The following SERPINF1 variants were observed in gnomAD, a reference collection of about 807,000 sequenced individuals.
SERPINF1 encodes serpin family F member 1.
A neutral mutation model predicts 37.3 loss-of-function variants in SERPINF1; 29 were observed. The observed-to-expected ratio is 0.78, with a 90% CI of 0.58 to 1.06. The LOEUF (loss-of-function observed/expected upper bound fraction) is 1.06. Among genes scored for constraint, SERPINF1 ranks in the 50% least tolerant of loss-of-function variants. The pLI is 0.00. For missense variants in SERPINF1, 553 were observed against 532.2 expected, an observed-to-expected ratio of 1.04 and a Z score of -0.38; for synonymous variants, 281 against 227.9, an observed-to-expected ratio of 1.23 and a Z score of -2.10.
chr17:1,772,156 G>A (rs1051256416), intron 5 of SERPINF1, 81 bp downstream of exon 5: 8 of 1,454,468 alleles, frequency 5.5e-6, no homozygotes, highest in Non-Finnish European at 7.5e-6. Flanking sequence ...TTACTCTGTA[G>A]TCCTAACTGG....
chr17:1,770,426 C>A, intron 3 of SERPINF1: 2 of 343,164 alleles, frequency 5.8e-6, no homozygotes, highest in Middle Eastern at 9.7e-4. Context: ...CACAGGGGAA[C>A]TAATACCAGC....
rs753734301 is a variant in SERPINF1 at position 1,769,909 on chromosome 17, A to C, written c.142A>C (p.Lys48Gln). 2.5e-6 allele frequency: 4 copies of C among 1,614,156 alleles called. No homozygotes were observed. The South Asian group carries it at 4.4e-5, about 18-fold the overall frequency. The change falls in exon 3 of 8, where the codon AAA (lysine) becomes CAA (glutamine). Residue 48 changes from lysine (K) to glutamine (Q), a missense_variant. Physicochemically the swap from Lys to Gln is moderately conservative, Grantham distance 53. Transcript: ENST00000254722. ...ALVEEEDPFF[K>Q]VPVNKLAAAV... is the part of the protein sequence containing the mutation. Reference sequence around the variant, plus strand: ...GGTGGAGGAGGAGGATCCTTTCTTCAAAGTCCCCGTGAACAAGCTGGCAGC... The same window carrying C: ...GGTGGAGGAGGAGGATCCTTTCTTCCAAGTCCCCGTGAACAAGCTGGCAGC...
At chr17:1,770,693 C>T (rs1030160811) in intron 3 of SERPINF1, 20 of 344,162 alleles carry the variant, frequency 5.8e-5, no homozygotes, top group African/African-American at 3.6e-4. Flanking sequence ...CTCCCGGGCT[C>T]AAGCGATCCA....
chr17:1,771,175 T>G lies in SERPINF1; in HGVS notation c.430T>G (p.Phe144Val). ...CCTCAAGAGTGCCTCCCGGATCGTC[T>G]TTGAGAAGAGTGAGTCGCCTTTGCA... ...KNLKSASRIV[F>V]EKKLRIKSSF... The change falls in exon 4 of 8, where the codon TTT becomes GTT. Residue 144 changes from phenylalanine to valine, a missense_variant. Transcript: ENST00000254722. 1 of 1,613,730 alleles carries G rather than the reference T, an allele frequency of 6.2e-7. No individual in the cohort carries two copies.
rs1056108250 is a variant in SERPINF1 at position 1,769,716 on chromosome 17, G to A, written c.85-136G>A. 4 of 935,300 alleles carry A rather than the reference G, an allele frequency of 4.3e-6. No homozygotes were observed. In the Admixed American group the frequency reaches 5.3e-5, roughly 12 times the overall value. The allele number at this position is 935,300 out of a possible 1,614,324, so 57.9% of individuals were successfully genotyped here. A position where few individuals can be genotyped will look rare whatever the true frequency, so the allele number is the denominator to read the frequency against. On this transcript the variant is annotated intron_variant, in intron 2 of 7. Coordinates refer to ENST00000254722, the MANE Select transcript of SERPINF1 (RefSeq NM_002615.7). ...GGAGTAAAACTCATTCCCGTTTTAG[G>A]CCAAACACAGAAAAATTAGGAAGGA...
intron 2 of SERPINF1, among the ~76,000 whole-genome samples, chr17:1,768,652 T>G (rs977913406): frequency 1.3e-5 from 2 of 151,376 alleles, no homozygotes; most frequent in South Asian, 2.1e-4. Flanking sequence ...TTTTTGGGTA[T>G]TTTTAGTAGA....
In SERPINF1 at chr17:1,777,263, C is replaced by T. The variant is rs139643371; in HGVS notation, c.1074C>T (p.His358=). The T allele has an allele frequency of 3.1e-6, 5 of 1,614,030 alleles. No individual in the cohort carries two copies. The highest frequency in any genetic ancestry group is 1.3e-5 in the African/African-American group (1 of 74,902). The change falls in exon 8 of 8, where the codon CAC becomes CAT. Residue 358 remains histidine, a synonymous_variant. Coordinates refer to ENST00000254722, the MANE Select transcript of SERPINF1 (RefSeq NM_002615.7). The part of the protein sequence containing the change: ...GKPIKLTQVE[H]RAGFEWNEDG... Reference sequence around the variant, plus strand: ...CCATCAAGCTGACTCAGGTGGAACACCGGGCTGGCTTTGAGTGGAACGAGG... The same window carrying T: ...CCATCAAGCTGACTCAGGTGGAACATCGGGCTGGCTTTGAGTGGAACGAGG...
chr17:1,777,436 G>C lies in SERPINF1; in HGVS notation c.1247G>C (p.Arg416Thr), dbSNP rs1441061271. 6.2e-7 allele frequency: 1 copy of C among 1,614,026 alleles called. No homozygotes were observed. Among genetic ancestry groups the C allele is most frequent in the Non-Finnish European group, 8.5e-7 (1 of 1,180,038 alleles). Residue 416 changes from arginine to threonine, a missense_variant, in exon 8 of 8, where the codon AGG (arginine) becomes ACG (threonine). Physicochemically the swap from Arg to Thr is moderately conservative, Grantham distance 71. Transcript: ENST00000254722. The part of the protein sequence containing the change: ...LLFIGKILDP[R>T]GP ...TTCATTGGCAAGATTCTGGACCCCA[G>C]GGGCCCCTAATATCCCAGTTTAATA...
intron 2 of SERPINF1, among the ~76,000 whole-genome samples, chr17:1,768,833 TCTCA>T (rs1264740277): frequency 1.3e-5 from 2 of 151,762 alleles, no homozygotes; most frequent in Non-Finnish European, 1.5e-5. Flanking sequence ...TGAGACAGGG[TCTCA>T]CTCTGTCACC....
intron 4 of SERPINF1, 37 bp downstream of exon 4, chr17:1,771,221 G>A: frequency 6.2e-7 from 1 of 1,602,246 alleles, no homozygotes. Flanking sequence ...CCTGAGGCAT[G>A]TGGGCTCCAT....
rs749943906 is a variant in SERPINF1, at chr17:1,766,888, G to T, written c.-8-15G>T. 14 of 1,551,986 alleles carry T rather than the reference G, an allele frequency of 9.0e-6. No homozygotes were observed. Among genetic ancestry groups the T allele is most frequent in the African/African-American group, 1.4e-5 (1 of 73,108 alleles). On this transcript the variant is annotated splice_polypyrimidine_tract_variant and intron_variant, in intron 1 of 7. Transcript: ENST00000254722. ...TCGGGGGAGAGCGGCTTGCTGCCTCGTTCTTTTCTTGCAGGCCCCAGGATG... is the reference window on the plus strand; with the variant it reads ...TCGGGGGAGAGCGGCTTGCTGCCTCTTTCTTTTCTTGCAGGCCCCAGGATG...
At chr17:1,768,030 CCT>C (rs957505082) in intron 2 of SERPINF1, among the ~76,000 whole-genome samples, 5 of 151,844 alleles carry the variant, frequency 3.3e-5, no homozygotes, top group East Asian at 1.9e-4. Context: ...TAGTGAGACC[CCT>C]GTCTCTACAA....
rs993385160 is a variant in SERPINF1 at position 1,771,241 on chromosome 17, T to TG, written c.439+64dup. The TG allele has an allele frequency of 2.4e-4, 346 of 1,451,922 alleles. 4 individuals are homozygous for TG. In the South Asian group the frequency reaches 3.0e-3, roughly 13 times the overall value. The allele number at this position is 1,451,922 out of a possible 1,614,324, so 89.9% of individuals were successfully genotyped here. The stretch of plus-strand genomic sequence containing the variant: ...GGCATGTGGGCTCCATGCTGCAGGC[T>TG]GGGGGGGTCTTTTTTTTTTTTTTTT... On this transcript the variant is annotated intron_variant, in intron 4 of 7. Transcript: ENST00000254722.
intron 1 of SERPINF1, chr17:1,762,959 C>T (rs62088172): frequency 0.32 from 48,655 of 152,334 alleles, 8,775 homozygotes; most frequent in South Asian, 0.51. Flanking sequence ...GCTAACCCAA[C>T]GTTAGCCCCC....
chr17:1,769,644 A>C (rs1907593709), intron 2 of SERPINF1: 1 of 611,820 alleles, frequency 1.6e-6, no homozygotes, highest in Non-Finnish European at 2.9e-6. Context: ...AAAACAGCTG[A>C]TCTCTCTTCT....
At chr17:1,770,768 C>A in intron 3 of SERPINF1, 1 of 449,788 alleles carries the variant, frequency 2.2e-6, no homozygotes, top group Non-Finnish European at 4.1e-6. Flanking sequence ...CCAGAATAAT[C>A]TTAAGGGCTA....
rs1206303857 is a variant in SERPINF1 at position 1,766,894 on chromosome 17, T to C, written c.-8-9T>C. 1 of 1,553,866 alleles carries C rather than the reference T, an allele frequency of 6.4e-7. No homozygotes were observed. The highest frequency in any genetic ancestry group is 8.7e-7 in the Non-Finnish European group (1 of 1,148,380). Reference sequence around the variant, plus strand: ...GAGAGCGGCTTGCTGCCTCGTTCTTTTCTTGCAGGCCCCAGGATGCAGGCC... The same window carrying C: ...GAGAGCGGCTTGCTGCCTCGTTCTTCTCTTGCAGGCCCCAGGATGCAGGCC... On this transcript the variant is annotated splice_polypyrimidine_tract_variant and intron_variant, in intron 1 of 7. Transcript: ENST00000254722.
Position 1,771,958 on chromosome 17 carries a change from G to A in SERPINF1, c.526G>A (p.Asp176Asn), listed in dbSNP as rs77671583. ...PRVLTGNPRLDLQEINNWVQA... is the reference protein window; with the variant it reads ...PRVLTGNPRLNLQEINNWVQA... ...AGTCCTGACGGGCAACCCTCGCTTG[G>A]ACCTGCAAGAGATCAACAACTGGGT... Residue 176 changes from aspartate (D) to asparagine (N), a missense_variant, in exon 5 of 8, where the codon GAC becomes AAC. By Grantham distance (23) the Asp-to-Asn change is conservative (BLOSUM62 1). Coordinates refer to ENST00000254722, the MANE Select transcript of SERPINF1 (RefSeq NM_002615.7). 81 of 1,613,954 alleles carry A rather than the reference G, an allele frequency of 5.0e-5. No homozygotes were observed. The African/African-American group carries it at 8.1e-4, about 16-fold the overall frequency.
rs761010445 is a variant in SERPINF1 at position 1,767,017 on chromosome 17, C to T, written c.84+23C>T. On this transcript the variant is annotated intron_variant, in intron 2 of 7. Coordinates refer to ENST00000254722, the MANE Select transcript of SERPINF1 (RefSeq NM_002615.7). Reference sequence around the variant, plus strand: ...GAGGTCAGTAGGCAGGCGGGGAGGGCGTGGTCAGCATTCCCCGCCCCTCCT... The same window carrying T: ...GAGGTCAGTAGGCAGGCGGGGAGGGTGTGGTCAGCATTCCCCGCCCCTCCT... 4.4e-5 allele frequency: 68 copies of T among 1,542,122 alleles called. No individual in the cohort carries two copies. The African/African-American group carries it at 4.7e-4, about 11-fold the overall frequency.
Sources: allele counts gnomAD v4.1 joint callset (sites outside exome capture counted in the v4.1 genomes callset), GRCh38; gene constraint gnomAD v4.1.1; transcripts MANE v1.5; gene names NCBI Gene and HGNC (gene_info 2026-07-23, HGNC 2026-07-21).